NBAS: variants seen among roughly 807,000 people sequenced by gnomAD.
The protein encoded by NBAS is NAG/BC035112 fusion.
NBAS carries 219 observed loss-of-function variants against 302.5 expected under a neutral mutation model. That is an observed-to-expected ratio of 0.72 (90% CI 0.65 to 0.81). The LOEUF (loss-of-function observed/expected upper bound fraction) is 0.81. Ranked by LOEUF, NBAS falls within the 30% of genes least tolerant of loss-of-function variation. The pLI is 0.00. For missense variants in NBAS, 2,932 were observed against 2,841.6 expected, an observed-to-expected ratio of 1.03 and a Z score of -0.72; for synonymous variants, 1,118 against 1,021.6, an observed-to-expected ratio of 1.09 and a Z score of -1.80.
intron 6 of NBAS, among the ~76,000 whole-genome samples, chr2:15,544,794 G>A (rs1047835540): frequency 2.0e-5 from 3 of 152,096 alleles, no homozygotes; most frequent in African/African-American, 4.8e-5. Context: ...GGTGGATAAC[G>A]AGGTCAGGAG....
At chr2:15,194,905 GAAAA>G (rs963969034) in intron 48 of NBAS, among the ~76,000 whole-genome samples, 8 of 151,778 alleles carry the variant, frequency 5.3e-5, no homozygotes, top group African/African-American at 1.9e-4. Flanking sequence ...AAATTGGAAA[GAAAA>G]AATAAAATTC....
At chr2:15,413,623 G>C (rs745720612) in intron 25 of NBAS, among the ~76,000 whole-genome samples, 2 of 152,206 alleles carry the variant, frequency 1.3e-5, no homozygotes, top group Non-Finnish European at 2.9e-5. Flanking sequence ...AGTTCCATGT[G>C]AGTATCCTAG....
chr2:15,392,996 G>A (rs999535868), intron 28 of NBAS, among the ~76,000 whole-genome samples: 1 of 151,936 alleles, frequency 6.6e-6, no homozygotes, highest in African/African-American at 2.4e-5. Flanking sequence ...AACTGCAAAG[G>A]TAATTCAGTA....
Position 15,309,185 on chromosome 2 carries a change from G to A in NBAS, c.4645C>T (p.Leu1549Phe). 3.1e-6 allele frequency: 5 copies of A among 1,612,916 alleles called. No individual in the cohort carries two copies. Among genetic ancestry groups the A allele is most frequent in the East Asian group, 2.2e-5 (1 of 44,808 alleles). Residue 1549 changes from leucine to phenylalanine, a missense_variant, in exon 39 of 52, where the codon CTT (leucine) becomes TTT (phenylalanine). By Grantham distance (22) the Leu-to-Phe change is conservative. Coordinates refer to ENST00000281513, the MANE Select transcript of NBAS (RefSeq NM_015909.4). Reference protein sequence around the residue: ...NDMTLALAYLLALPQVLDANR... With the variant: ...NDMTLALAYLFALPQVLDANR... ...GGCAAACTTACTTGTGGTAAGGCAA[G>A]AAGGTAAGCAAGAGCCAAGGTCATG...
the NBAS span, among the ~76,000 whole-genome samples, chr2:14,914,352 G>A: frequency 3.3e-5 from 5 of 152,350 alleles, no homozygotes; most frequent in East Asian, 9.6e-4. Context: ...AGGGCCACAT[G>A]GGGGTTGCCC....
chr2:15,528,885 A>G (rs1289296400), intron 9 of NBAS, among the ~76,000 whole-genome samples: 1 of 123,212 alleles, frequency 8.1e-6, no homozygotes, highest in Non-Finnish European at 1.6e-5. Context: ...AAAAATATAT[A>G]TATATATATA....
intron 51 of NBAS, among the ~76,000 whole-genome samples, chr2:15,177,122 G>A (rs748179141): frequency 3.2e-4 from 48 of 152,170 alleles, no homozygotes; most frequent in Non-Finnish European, 1.2e-4. Flanking sequence ...ATTTATACCT[G>A]TGGCTTTGAT....
chr2:15,125,379 G>A, the NBAS span, among the ~76,000 whole-genome samples: 2 of 152,132 alleles, frequency 1.3e-5, no homozygotes, highest in Non-Finnish European at 2.9e-5. Context: ...AAGGAAGAGA[G>A]GGGAGAGGTG....
chr2:14,991,659 A>G, the NBAS span, among the ~76,000 whole-genome samples: 3 of 152,210 alleles, frequency 2.0e-5, no homozygotes, highest in Non-Finnish European at 2.9e-5. Flanking sequence ...ACTTCCCCAG[A>G]TGATTCCAAT....
At chr2:15,474,354 T>C (rs757366006) in intron 14 of NBAS, 30 bp from the exon 15 acceptor site, 17 of 1,582,970 alleles carry the variant, frequency 1.1e-5, no homozygotes, top group East Asian at 2.3e-5. Flanking sequence ...TTGAAGTTAA[T>C]AGTAAGGAAA....
intron 38 of NBAS, among the ~76,000 whole-genome samples, chr2:15,323,180 A>G (rs1474931092): frequency 1.3e-5 from 2 of 152,232 alleles, no homozygotes; most frequent in African/African-American, 2.4e-5. Flanking sequence ...AGAACAGTAC[A>G]CACACTAGGA....
chr2:15,037,241 AG>A, the NBAS span, among the ~76,000 whole-genome samples: 169 of 152,312 alleles, frequency 1.1e-3, no homozygotes, highest in Admixed American at 1.9e-3. Flanking sequence ...GCATTCTAAA[AG>A]GCTGGCCTGG....
Position 15,467,785 on chromosome 2 carries a change from T to G in NBAS, c.1897A>C (p.Ile633Leu), listed in dbSNP as rs1429076184. 6.3e-7 allele frequency: 1 copy of G among 1,591,076 alleles called. No homozygotes were observed. The highest frequency in any genetic ancestry group is 1.3e-5 in the African/African-American group (1 of 74,464). ...TCATAGGAGATACTGTCAATGTCTA[T>G]TTCACCAGGTAATGTAAATCTGCAA... ...DDGRFTLPGEIDIDSISYEEL... is the reference protein window; with the variant it reads ...DDGRFTLPGELDIDSISYEEL... Residue 633 changes from isoleucine to leucine, a missense_variant, in exon 18 of 52, where the codon ATA (isoleucine) becomes CTA (leucine). Ile to Leu is a conservative substitution (Grantham distance 5, BLOSUM62 2). Coordinates refer to ENST00000281513, the MANE Select transcript of NBAS (RefSeq NM_015909.4).
At chr2:15,463,889 GT>G in intron 19 of NBAS, among the ~76,000 whole-genome samples, 1 of 151,384 alleles carries the variant, frequency 6.6e-6, no homozygotes, top group Non-Finnish European at 1.5e-5. Flanking sequence ...TATCATTGTG[GT>G]TATAGTTTCT....
chr2:15,344,436 A>G (rs1237828435), intron 35 of NBAS, among the ~76,000 whole-genome samples: 1 of 152,204 alleles, frequency 6.6e-6, no homozygotes, highest in Admixed American at 6.5e-5. Context: ...GGACACATAC[A>G]TACATAATCC....
the NBAS span, among the ~76,000 whole-genome samples, chr2:15,128,396 G>A: frequency 6.6e-6 from 1 of 152,142 alleles, no homozygotes. Flanking sequence ...AAGCACATCT[G>A]TTCTCCAGGG....
chr2:14,923,948 G>A, the NBAS span, among the ~76,000 whole-genome samples: 1 of 152,140 alleles, frequency 6.6e-6, no homozygotes, highest in Non-Finnish European at 1.5e-5. Flanking sequence ...CACAGCAGAT[G>A]GAGGGAGAAA....
intron 48 of NBAS, among the ~76,000 whole-genome samples, chr2:15,200,762 T>C (rs1665837384): frequency 6.6e-6 from 1 of 152,212 alleles, no homozygotes; most frequent in Non-Finnish European, 1.5e-5. Context: ...AGCCTTCTTA[T>C]CAGACACAGA....
chr2:15,063,647 T>C, the NBAS span, among the ~76,000 whole-genome samples: 1 of 152,100 alleles, frequency 6.6e-6, no homozygotes, highest in African/African-American at 2.4e-5. Flanking sequence ...GTCTTAAAAG[T>C]GGGGCTGTAA....
Sources: gnomAD v4.1 joint callset for allele counts (sites outside exome capture counted in the v4.1 genomes callset) on GRCh38, gnomAD v4.1.1 for gene constraint, MANE v1.5 for transcripts, NCBI Gene and HGNC (gene_info 2026-07-23, HGNC 2026-07-21) for gene names.